Variants in ARPC3 observed in about 807,000 individuals in gnomAD.
The protein encoded by ARPC3 is actin related protein 2/3 complex subunit 3.
ARPC3 carries 12 observed loss-of-function variants against 27.6 expected under a neutral mutation model. That is an observed-to-expected ratio of 0.43 (90% CI 0.28 to 0.70). ARPC3 has a LOEUF of 0.70. ARPC3 is among the 30% of genes least tolerant of loss of function. The probability of loss-of-function intolerance (pLI) is 0.17; values close to 1 mark genes in which losing one functional copy is unlikely to be tolerated. For synonymous variants in ARPC3, 53 were observed against 67.2 expected (o/e 0.79, Z 1.03); for missense variants, 153 against 207.7 (o/e 0.74, Z 1.62).
Position 110,435,115 on chromosome 12 carries a change from C to G in ARPC3, c.*40G>C, listed in dbSNP as rs532500583. 6.5e-7 allele frequency: 1 copy of G among 1,529,194 alleles called. No individual in the cohort carries two copies. Among genetic ancestry groups the G allele is most frequent in the South Asian group, 1.1e-5 (1 of 89,268 alleles). The allele number at this position is 1,529,194 out of a possible 1,614,324, so 94.7% of individuals were successfully genotyped here. ...ATTGTGTACATCTTGCTGGAAAATG[C>G]TGCCCAGGGCTCTGGAGACGGTGGC... On this transcript the variant is annotated 3_prime_UTR_variant, in exon 7 of 7. Transcript: ENST00000228825.
In ARPC3 at chr12:110,450,305, A is replaced by T. The variant is rs778904190; in HGVS notation, c.-45T>A. ...CAACCCAGAGGAGCAGGATCCAGGT[A>T]CAGCGGAGCGCTTCCGGTCTGGCAG... On this transcript the variant is annotated 5_prime_UTR_variant, in exon 1 of 7. Coordinates refer to ENST00000228825, the MANE Select transcript of ARPC3 (RefSeq NM_001278556.2). 13 of 1,613,662 alleles carry T rather than the reference A, an allele frequency of 8.1e-6. No homozygotes were observed. In the South Asian group the frequency reaches 1.3e-4, roughly 16 times the overall value.
chr12:110,449,017 G>A lies in ARPC3; in HGVS notation c.6+1238C>T, dbSNP rs543185911. ...TCTTGAACTCCTGACCTCGTGATCC[G>A]CCCACCTAGGCCTCCCAAAGTGCTG... is the stretch of plus-strand genomic sequence containing the variant. On this transcript the variant is annotated intron_variant, in intron 1 of 6. Coordinates refer to ENST00000228825, the MANE Select transcript of ARPC3 (RefSeq NM_001278556.2). Among the ~76,000 whole-genome samples, 54 of 151,098 alleles carry A rather than the reference G, an allele frequency of 3.6e-4. 1 individual carries two copies. The highest frequency in any genetic ancestry group is 3.4e-4 in the Non-Finnish European group (23 of 67,760).
At chr12:110,439,315 C>T (rs2062423025) in intron 3 of ARPC3, among the ~76,000 whole-genome samples, 1 of 151,944 alleles carries the variant, frequency 6.6e-6, no homozygotes, top group East Asian at 1.9e-4. Context: ...CGGGGGTTCG[C>T]CATGTTGCCC....
rs185803401 is a variant in ARPC3, at chr12:110,435,609, C to T, written c.475-392G>A. ...CCTCCCAAAGTGCTGGGATTAGAGG[C>T]GTGAGCCACCGCGCCTGGCCATAAA... On this transcript the variant is annotated intron_variant, in intron 6 of 6. Coordinates refer to ENST00000228825, the MANE Select transcript of ARPC3 (RefSeq NM_001278556.2). 6.9e-3 allele frequency among the ~76,000 whole-genome samples: 1,044 copies of T among 152,138 alleles called. 1 individual carries two copies. The highest frequency in any genetic ancestry group is 9.4e-3 in the Non-Finnish European group (639 of 67,994).
intron 6 of ARPC3, 84 bp downstream of exon 6, chr12:110,436,026 G>A: frequency 9.6e-7 from 1 of 1,038,580 alleles, no homozygotes; most frequent in East Asian, 2.4e-5. Context: ...AAATATTCTT[G>A]CAATGGAAGA....
At chr12:110,444,360 C>T (rs1439410007) in intron 2 of ARPC3, among the ~76,000 whole-genome samples, 1 of 151,802 alleles carries the variant, frequency 6.6e-6, no homozygotes, top group Non-Finnish European at 1.5e-5. Flanking sequence ...TCTTGGCTCA[C>T]TGCAACCTCC....
At chr12:110,446,502 C>T (rs76142162) in intron 1 of ARPC3, among the ~76,000 whole-genome samples, 1 of 149,880 alleles carries the variant, frequency 6.7e-6, no homozygotes, top group Admixed American at 6.7e-5. Flanking sequence ...TCTCCATTTT[C>T]GCCAGGCTGG....
intron 2 of ARPC3, 197 bp downstream of exon 2, chr12:110,445,255 A>T (rs1014316443): frequency 1.4e-5 from 8 of 566,100 alleles, no homozygotes; most frequent in Non-Finnish European, 2.2e-5. Context: ...TGGAGAAGTC[A>T]GAAGAAATAA....
chr12:110,439,232 C>T lies in ARPC3; in HGVS notation c.183+1080G>A, dbSNP rs140876982. Among the ~76,000 whole-genome samples the T allele has an allele frequency of 5.7e-3, 872 of 152,036 alleles. 12 individuals are homozygous for T. The highest frequency in any genetic ancestry group is 0.019 in the African/African-American group (803 of 41,464). On this transcript the variant is annotated intron_variant, in intron 3 of 6. Transcript: ENST00000228825. ...AACTCCTGGCATCATGTGATCCACCCGCCTCAGCCTCCCAAGTGTTGGGAT... is the reference window on the plus strand; with the variant it reads ...AACTCCTGGCATCATGTGATCCACCTGCCTCAGCCTCCCAAGTGTTGGGAT...
intron 1 of ARPC3, among the ~76,000 whole-genome samples, chr12:110,446,292 T>C (rs1265329947): frequency 6.9e-6 from 1 of 144,002 alleles, no homozygotes; most frequent in Admixed American, 6.8e-5. Flanking sequence ...CCTGGCTACT[T>C]CCTAATTTTT....
rs775757007 is a variant in ARPC3 at position 110,450,311 on chromosome 12, G to C, written c.-51C>G. 59 of 1,613,308 alleles carry C rather than the reference G, an allele frequency of 3.7e-5. No homozygotes were observed. The highest frequency in any genetic ancestry group is 4.8e-5 in the Non-Finnish European group (57 of 1,179,610). ...AGAGGAGCAGGATCCAGGTACAGCG[G>C]AGCGCTTCCGGTCTGGCAGCCTGGG... is the stretch of plus-strand genomic sequence containing the variant. On this transcript the variant is annotated 5_prime_UTR_variant, in exon 1 of 7. Transcript: ENST00000228825.
chr12:110,445,197 A>G (rs999141827), intron 2 of ARPC3: 3 of 459,558 alleles, frequency 6.5e-6, no homozygotes, highest in Non-Finnish European at 1.2e-5. Context: ...ACTGATAAAC[A>G]GTGTCCAGAA....
chr12:110,444,139 G>A (rs118080572), intron 2 of ARPC3, among the ~76,000 whole-genome samples: 1 of 151,708 alleles, frequency 6.6e-6, no homozygotes, highest in Admixed American at 6.6e-5. Context: ...CCGGCTGATT[G>A]TTTGTATTTT....
Position 110,434,908 on chromosome 12 carries a change from T to A in ARPC3, c.*247A>T, listed in dbSNP as rs1046547901. 2 of 660,310 alleles carry A rather than the reference T, an allele frequency of 3.0e-6. No homozygotes were observed. Among genetic ancestry groups the A allele is most frequent in the Non-Finnish European group, 5.5e-6 (2 of 361,458 alleles). The allele number at this position is 660,310 out of a possible 1,614,324, so 40.9% of individuals were successfully genotyped here. A position where few individuals can be genotyped will look rare whatever the true frequency, so the allele number is the denominator to read the frequency against. ...AATAAAGTTTTTCTGACATGGAATG[T>A]TAGAAATTTCTTTATTATTACTTAT... On this transcript the variant is annotated 3_prime_UTR_variant, in exon 7 of 7. Transcript: ENST00000228825.
At chr12:110,439,628 C>T (rs1004943643) in intron 3 of ARPC3, among the ~76,000 whole-genome samples, 11 of 152,046 alleles carry the variant, frequency 7.2e-5, no homozygotes, top group Admixed American at 5.2e-4. Flanking sequence ...GTCAGGAGAT[C>T]GAGACACCAT....
At chr12:110,442,438 T>C (rs1189864968) in intron 2 of ARPC3, among the ~76,000 whole-genome samples, 1 of 151,864 alleles carries the variant, frequency 6.6e-6, no homozygotes, top group Admixed American at 6.6e-5. Flanking sequence ...AGAAACCCTG[T>C]CTCTACTAAA....
At chr12:110,436,415 G>A in intron 5 of ARPC3, 142 bp downstream of exon 5, 2 of 1,419,094 alleles carry the variant, frequency 1.4e-6, no homozygotes, top group South Asian at 1.2e-5. Context: ...TCGTTTGTGA[G>A]AGTGACTAAT....
At chr12:110,442,582 TG>T (rs1419218003) in intron 2 of ARPC3, 38 of 152,198 alleles carry the variant, frequency 2.5e-4, no homozygotes, top group African/African-American at 8.9e-4. Flanking sequence ...AACTCAAGCC[TG>T]GGTGACAGAG....
intron 1 of ARPC3, among the ~76,000 whole-genome samples, chr12:110,448,783 G>C (rs1234520027): frequency 2.7e-5 from 3 of 109,468 alleles, no homozygotes; most frequent in Non-Finnish European, 5.9e-5. Flanking sequence ...TTTTCCGGGG[G>C]GGGGGGGGGT....
Sources: allele counts gnomAD v4.1 joint callset (sites outside exome capture counted in the v4.1 genomes callset), GRCh38; gene constraint gnomAD v4.1.1; transcripts MANE v1.5; gene names NCBI Gene and HGNC (gene_info 2026-07-23, HGNC 2026-07-21).